LRP2BP: variants seen among roughly 807,000 people sequenced by gnomAD.
The protein encoded by LRP2BP is LRP2 binding protein, also known as LRP2-binding protein.
A neutral mutation model predicts 45.2 loss-of-function variants in LRP2BP; 38 were observed. That is an observed-to-expected ratio of 0.84 (90% CI 0.65 to 1.10). The LOEUF (loss-of-function observed/expected upper bound fraction) is 1.10. Ranked by LOEUF, LRP2BP falls within the 50% of genes least tolerant of loss-of-function variation. The pLI is 0.00. For synonymous variants in LRP2BP, 153 were observed against 153.9 expected (o/e 0.99, Z 0.04); for missense variants, 385 against 418.9 (o/e 0.92, Z 0.71).
intron 3 of LRP2BP, among the ~76,000 whole-genome samples, 190 bp downstream of exon 3, chr4:185,376,719 T>C (rs1053787292): frequency 2.6e-5 from 4 of 152,216 alleles, no homozygotes; most frequent in African/African-American, 9.7e-5. Flanking sequence ...ACATGGATTT[T>C]ATGAAGAAAA....
intron 4 of LRP2BP, 97 bp downstream of exon 4, chr4:185,375,516 G>GTGTATATATATATATATATGTA (rs1554018469): frequency 6.4e-5 from 3 of 46,688 alleles, no homozygotes; most frequent in African/African-American, 2.6e-4. Context: ...ATATATATAT[G>GTGTATATATATATATATATGTA]TATATATATA....
chr4:185,377,728 A>C (rs2095442807), intron 2 of LRP2BP: 1 of 183,274 alleles, frequency 5.5e-6, no homozygotes, highest in African/African-American at 2.4e-5. Context: ...ACCCATCCCT[A>C]ATATAACATT....
intron 4 of LRP2BP, 97 bp downstream of exon 4, chr4:185,375,516 G>GTGTATATATATATATATATATATATGTA (rs1554018469): frequency 8.6e-5 from 4 of 46,680 alleles, no homozygotes; most frequent in African/African-American, 3.5e-4. Context: ...ATATATATAT[G>GTGTATATATATATATATATATATATGTA]TATATATATA....
At chr4:185,377,186 C>A in intron 2 of LRP2BP, 168 bp from the exon 3 acceptor site, 1 of 610,230 alleles carries the variant, frequency 1.6e-6, no homozygotes. Flanking sequence ...CCTGAAAAAA[C>A]GTCATGGTCA....
chr4:185,392,900 A>G (rs549680587), intron 1 of LRP2BP, among the ~76,000 whole-genome samples: 1 of 152,320 alleles, frequency 6.6e-6, no homozygotes, highest in East Asian at 1.9e-4. Context: ...GATTTAAAAA[A>G]TACATGTGAA....
chr4:185,396,700 G>C (rs1363524815), upstream of LRP2BP: 1 of 574,362 alleles, frequency 1.7e-6, no homozygotes, highest in African/African-American at 1.9e-5. Flanking sequence ...GTTTGTGTAC[G>C]TGCGGCCGTG....
chr4:185,397,287 T>C, upstream of LRP2BP: 2 of 1,613,964 alleles, frequency 1.2e-6, no homozygotes, highest in Non-Finnish European at 1.7e-6. Flanking sequence ...AAACGGGCGC[T>C]GACCTCAACC....
At chr4:185,387,075 G>A (rs535023178) in intron 1 of LRP2BP, among the ~76,000 whole-genome samples, 32 of 152,230 alleles carry the variant, frequency 2.1e-4, no homozygotes, top group African/African-American at 7.7e-4. Context: ...GTGAAACCCC[G>A]TGTCTACTAA....
intron 1 of LRP2BP, among the ~76,000 whole-genome samples, chr4:185,383,229 TG>T (rs1414841208): frequency 6.6e-6 from 1 of 152,204 alleles, no homozygotes; most frequent in Admixed American, 6.5e-5. Flanking sequence ...CCCAGAACTT[TG>T]GGAGATCAAG....
chr4:185,373,889 C>A (rs564956574), intron 6 of LRP2BP, among the ~76,000 whole-genome samples: 1 of 152,204 alleles, frequency 6.6e-6, no homozygotes, highest in African/African-American at 2.4e-5. Context: ...GACTGTTTCT[C>A]TTCTTTTAGC....
rs745851499 is a variant in LRP2BP at position 185,376,999 on chromosome 4, CAAA to C, written c.123_125del (p.Asn41_Leu42delinsLys). On this transcript the variant is annotated inframe_deletion, in exon 3 of 9. Coordinates refer to ENST00000505916, the MANE Select transcript of LRP2BP (RefSeq NM_001377440.1). Reference sequence around the variant, plus strand: ...TCAAGAGCTGCAATGCCTTATCCACCAAATTAGCATGGGTGTAATCTGATTTTA... The same window carrying C: ...TCAAGAGCTGCAATGCCTTATCCACCTTAGCATGGGTGTAATCTGATTTTA... 36 of 1,612,342 alleles carry C rather than the reference CAAA, an allele frequency of 2.2e-5. No homozygotes were observed. Among genetic ancestry groups the C allele is most frequent in the African/African-American group, 1.3e-5 (1 of 74,880 alleles).
Position 185,364,454 on chromosome 4 carries a change from A to G in LRP2BP, c.*2726T>C, listed in dbSNP as rs2095379595. The G allele has an allele frequency of 6.6e-6, 1 of 152,204 alleles. No homozygotes were observed. The allele number at this position is 152,204 out of a possible 1,614,324, so 9.4% of individuals were successfully genotyped here. ...CTAATCCCCAAGAATATTGAAAACA[A>G]AACAATTAAACAAGTAACAGGTAAA... On this transcript the variant is annotated 3_prime_UTR_variant, in exon 9 of 9. Coordinates refer to ENST00000505916, the MANE Select transcript of LRP2BP (RefSeq NM_001377440.1).
chr4:185,383,699 T>C (rs529888470), intron 1 of LRP2BP, among the ~76,000 whole-genome samples: 1 of 152,334 alleles, frequency 6.6e-6, no homozygotes, highest in Admixed American at 6.5e-5. Flanking sequence ...GCATAAACAA[T>C]GTGATTTGTG....
Position 185,375,745 on chromosome 4 carries a change from T to C in LRP2BP, c.217-19A>G, listed in dbSNP as rs778170845. 6.7e-7 allele frequency: 1 copy of C among 1,494,588 alleles called. No homozygotes were observed. Among genetic ancestry groups the C allele is most frequent in the Non-Finnish European group, 9.3e-7 (1 of 1,079,008 alleles). 92.6% of individuals were successfully genotyped at this position (1,494,588 alleles called of 1,614,324 possible). A position where few individuals can be genotyped will look rare whatever the true frequency, so the allele number is the denominator to read the frequency against. ...ACCATCCCTAGAAGCACCCAGAAGATATTTAATTATTTTTATTATGATCTT... is the reference window on the plus strand; with the variant it reads ...ACCATCCCTAGAAGCACCCAGAAGACATTTAATTATTTTTATTATGATCTT... On this transcript the variant is annotated intron_variant, in intron 3 of 8. Transcript: ENST00000505916.
intron 1 of LRP2BP, among the ~76,000 whole-genome samples, chr4:185,387,464 T>C (rs1263058518): frequency 1.3e-5 from 2 of 152,196 alleles, no homozygotes; most frequent in Non-Finnish European, 2.9e-5. Context: ...CAGTAAAATA[T>C]AACACTGTTC....
chr4:185,375,862 C>T, intron 3 of LRP2BP, 136 bp from the exon 4 acceptor site: 1 of 489,708 alleles, frequency 2.0e-6, no homozygotes, highest in Non-Finnish European at 3.7e-6. Flanking sequence ...GAACCCATGC[C>T]CCACGCTGAG....
intron 1 of LRP2BP, among the ~76,000 whole-genome samples, chr4:185,381,804 C>T (rs1158591767): frequency 6.6e-6 from 1 of 152,134 alleles, no homozygotes; most frequent in African/African-American, 2.4e-5. Flanking sequence ...GCTCATCCTG[C>T]ATCTTTATAC....
At chr4:185,388,934 G>T (rs193024171) in intron 1 of LRP2BP, among the ~76,000 whole-genome samples, 1 of 151,924 alleles carries the variant, frequency 6.6e-6, no homozygotes, top group African/African-American at 2.4e-5. Flanking sequence ...GGAGTACAGT[G>T]GTGCGATCTC....
At chr4:185,381,290 A>G (rs2095455425) in intron 1 of LRP2BP, among the ~76,000 whole-genome samples, 1 of 152,176 alleles carries the variant, frequency 6.6e-6, no homozygotes, top group East Asian at 1.9e-4. Context: ...GTTGTATTAC[A>G]TTGTGTGAAT....
Sources: allele counts gnomAD v4.1 joint callset (sites outside exome capture counted in the v4.1 genomes callset), GRCh38; gene constraint gnomAD v4.1.1; transcripts MANE v1.5; gene names NCBI Gene and HGNC (gene_info 2026-07-23, HGNC 2026-07-21).